The following IGSF21 variants were observed in gnomAD, a reference collection of about 807,000 sequenced individuals.
IGSF21 encodes immunoglobulin superfamily member 21.
IGSF21 carries 28 observed loss-of-function variants against 46.8 expected under a neutral mutation model. The ratio of observed to expected loss-of-function variants is 0.60; its 90% CI spans 0.44 to 0.82. The LOEUF is 0.82. Among genes scored for constraint, IGSF21 ranks in the 40% least tolerant of loss-of-function variants. The pLI is 0.00. For missense variants in IGSF21, 624 were observed against 665.5 expected, an observed-to-expected ratio of 0.94 and a Z score of 0.69; for synonymous variants, 284 against 273.6, an observed-to-expected ratio of 1.04 and a Z score of -0.38.
chr1:18,375,591 G>C (rs1436725021), intron 6 of IGSF21, among the ~76,000 whole-genome samples: 1 of 152,202 alleles, frequency 6.6e-6, no homozygotes, highest in Non-Finnish European at 1.5e-5. Context: ...GTGAGGAAGA[G>C]AGGCAGGGAG....
chr1:18,321,748 G>A (rs1329426674), intron 3 of IGSF21, among the ~76,000 whole-genome samples: 1 of 152,156 alleles, frequency 6.6e-6, no homozygotes, highest in African/African-American at 2.4e-5. Context: ...AATTCCATTG[G>A]TAATTAGGTT....
At chr1:18,314,230 C>T (rs2085517800) in intron 3 of IGSF21, among the ~76,000 whole-genome samples, 1 of 152,032 alleles carries the variant, frequency 6.6e-6, no homozygotes, top group Admixed American at 6.6e-5. Flanking sequence ...GAACTGAAAC[C>T]ACCTTGATAA....
At chr1:18,237,877 G>A (rs2084687716) in intron 2 of IGSF21, among the ~76,000 whole-genome samples, 1 of 152,140 alleles carries the variant, frequency 6.6e-6, no homozygotes, top group Admixed American at 6.5e-5. Context: ...GGATTCCAAT[G>A]TAATTAAACA....
chr1:18,281,394 C>G (rs1259001054), intron 2 of IGSF21, among the ~76,000 whole-genome samples: 1 of 151,776 alleles, frequency 6.6e-6, no homozygotes, highest in Non-Finnish European at 1.5e-5. Context: ...ACCCTGAGGT[C>G]TCTACTAAAA....
intron 2 of IGSF21, among the ~76,000 whole-genome samples, chr1:18,270,068 G>A (rs1006381591): frequency 6.6e-6 from 1 of 152,124 alleles, no homozygotes; most frequent in Non-Finnish European, 1.5e-5. Context: ...GGGCCCCAAG[G>A]CAGAGCCAGG....
chr1:18,263,451 G>T (rs1276429562), intron 2 of IGSF21, among the ~76,000 whole-genome samples: 1 of 151,668 alleles, frequency 6.6e-6, no homozygotes, highest in Non-Finnish European at 1.5e-5. Context: ...CCAGGCGAAT[G>T]CACATCTGAG....
chr1:18,125,725 G>A (rs1398555114), intron 1 of IGSF21, among the ~76,000 whole-genome samples: 1 of 152,238 alleles, frequency 6.6e-6, no homozygotes, highest in African/African-American at 2.4e-5. Context: ...ACCTTCTAGA[G>A]TGTGTGACCA....
chr1:18,299,550 A>G (rs1349736119), intron 3 of IGSF21, among the ~76,000 whole-genome samples: 1 of 152,206 alleles, frequency 6.6e-6, no homozygotes, highest in Non-Finnish European at 1.5e-5. Context: ...TGCTTGCCAC[A>G]TGAAGTGGTC....
chr1:18,304,953 C>T (rs1162242650), intron 3 of IGSF21, among the ~76,000 whole-genome samples: 1 of 152,216 alleles, frequency 6.6e-6, no homozygotes, highest in East Asian at 1.9e-4. Flanking sequence ...TGCTTCAAAC[C>T]TTCTTTAATA....
intron 1 of IGSF21, among the ~76,000 whole-genome samples, chr1:18,215,540 G>A (rs1171427161): frequency 6.6e-6 from 1 of 152,180 alleles, no homozygotes; most frequent in African/African-American, 2.4e-5. Context: ...TGACATCTAA[G>A]CTAAGACCTG....
chr1:18,346,874 G>T (rs1357331242), intron 4 of IGSF21, among the ~76,000 whole-genome samples: 1 of 152,186 alleles, frequency 6.6e-6, no homozygotes, highest in African/African-American at 2.4e-5. Context: ...GGGCCCCTGA[G>T]CTGGATGTGA....
chr1:18,339,624 C>T (rs912540837), intron 4 of IGSF21, among the ~76,000 whole-genome samples: 3 of 152,156 alleles, frequency 2.0e-5, no homozygotes, highest in Non-Finnish European at 4.4e-5. Flanking sequence ...ACTCAGGAGG[C>T]TGAGGTGGGA....
At chr1:18,307,163 C>T (rs1246489987) in intron 3 of IGSF21, among the ~76,000 whole-genome samples, 3 of 151,716 alleles carry the variant, frequency 2.0e-5, no homozygotes, top group African/African-American at 4.8e-5. Flanking sequence ...TTTTCCCCTG[C>T]TTGGTTAATG....
Position 18,227,977 on chromosome 1 carries a change from A to T in IGSF21, c.150A>T (p.Thr50=), listed in dbSNP as rs1283956667. The change falls in exon 2 of 10, where the codon ACA becomes ACT. Residue 50 remains threonine, a synonymous_variant. Coordinates refer to ENST00000251296, the MANE Select transcript of IGSF21 (RefSeq NM_032880.5). ...TGACTTTGAAGTGTAACTTCAAGAC[A>T]GATGGGCGCATGCGGGAGATCGTGT... The part of the protein sequence containing the change: ...DAVTLKCNFK[T]DGRMREIVWY... 2 of 1,614,054 alleles carry T rather than the reference A, an allele frequency of 1.2e-6. No individual in the cohort carries two copies. Among genetic ancestry groups the T allele is most frequent in the Admixed American group, 1.7e-5 (1 of 60,024 alleles).
intron 3 of IGSF21, among the ~76,000 whole-genome samples, chr1:18,318,050 G>T (rs2085560529): frequency 6.6e-6 from 1 of 152,180 alleles, no homozygotes; most frequent in Admixed American, 6.5e-5. Flanking sequence ...AAGAATGCAT[G>T]GGAAAGGTTC....
rs190829208 is a variant in IGSF21 at position 18,144,711 on chromosome 1, C to T, written c.70+36513C>T. 1.3e-4 allele frequency among the ~76,000 whole-genome samples: 20 copies of T among 151,912 alleles called. No individual in the cohort carries two copies. The East Asian group carries it at 3.1e-3, about 24-fold the overall frequency. Reference sequence around the variant, plus strand: ...CCAGAGCACGTTGCTGATCTGAGAACGGTCAGCCAGAACCTCCCCCTTGTG... The same window carrying T: ...CCAGAGCACGTTGCTGATCTGAGAATGGTCAGCCAGAACCTCCCCCTTGTG... On this transcript the variant is annotated intron_variant, in intron 1 of 9. Transcript: ENST00000251296.
chr1:18,324,435 C>T (rs1412065243), intron 3 of IGSF21, among the ~76,000 whole-genome samples: 6 of 152,228 alleles, frequency 3.9e-5, no homozygotes, highest in Non-Finnish European at 8.8e-5. Flanking sequence ...CGCCAAGCCT[C>T]CCCAACCGCC....
chr1:18,163,144 A>C (rs1001177528), intron 1 of IGSF21, among the ~76,000 whole-genome samples: 1 of 152,066 alleles, frequency 6.6e-6, no homozygotes, highest in South Asian at 2.1e-4. Flanking sequence ...TGGGGTTAAG[A>C]CCTTGGACAA....
At chr1:18,155,743 C>T (rs145988537) in intron 1 of IGSF21, among the ~76,000 whole-genome samples, 125 of 152,256 alleles carry the variant, frequency 8.2e-4, no homozygotes, top group African/African-American at 2.8e-3. Context: ...TGAGGGGAGC[C>T]GGGAAGGGCT....
Sources: gnomAD v4.1 joint callset for allele counts (sites outside exome capture counted in the v4.1 genomes callset) on GRCh38, gnomAD v4.1.1 for gene constraint, MANE v1.5 for transcripts, NCBI Gene and HGNC (gene_info 2026-07-23, HGNC 2026-07-21) for gene names.